Variants in RBFOX1 observed in about 807,000 individuals in gnomAD.
The protein encoded by RBFOX1 is RNA binding fox-1 homolog 1.
Under a neutral mutation model 57.7 loss-of-function variants are expected in RBFOX1, and 8 were observed. That is an observed-to-expected ratio of 0.14 (90% confidence interval 0.08 to 0.25). The LOEUF (loss-of-function observed/expected upper bound fraction) is 0.25, where lower values mean the gene tolerates loss of function less well. Ranked by LOEUF, RBFOX1 falls within the 10% of genes least tolerant of loss-of-function variation. RBFOX1 has a pLI of 1.00. For missense variants in RBFOX1, 611 were observed against 548.5 expected (o/e 1.11, Z -1.14); for synonymous variants, 326 against 222.4 (o/e 1.47, Z -4.15).
chr16:7,374,082 G>A lies in RBFOX1; in HGVS notation c.28-144065G>A, dbSNP rs186180022. 6.6e-5 allele frequency among the ~76,000 whole-genome samples: 10 copies of A among 152,262 alleles called. No individual in the cohort carries two copies. In the East Asian group the frequency reaches 1.5e-3, roughly 24 times the overall value. On this transcript the variant is annotated intron_variant, in intron 4 of 15. Transcript: ENST00000550418. Reference sequence around the variant, plus strand: ...AGAGGCAGATAGACCCAGATACAGCGTGAGCTTTTCTGCAGCTCTGATGGT... The same window carrying A: ...AGAGGCAGATAGACCCAGATACAGCATGAGCTTTTCTGCAGCTCTGATGGT...
Position 6,807,192 on chromosome 16 carries a change from A to C in RBFOX1, c.-16+152542A>C, listed in dbSNP as rs565212721. 2.0e-5 allele frequency among the ~76,000 whole-genome samples: 3 copies of C among 152,112 alleles called. No homozygotes were observed. The South Asian group carries it at 6.2e-4, about 32-fold the overall frequency. ...ATGTGAGAAACAGATTGGAGATTGGACAGGGAGACCAGTTAGGAGTCTGTT... is the reference window on the plus strand; with the variant it reads ...ATGTGAGAAACAGATTGGAGATTGGCCAGGGAGACCAGTTAGGAGTCTGTT... On this transcript the variant is annotated intron_variant, in intron 3 of 15. Coordinates refer to ENST00000550418, the MANE Select transcript of RBFOX1 (RefSeq NM_018723.4).
chr16:5,504,940 G>T (rs924209479), intron 2 of RBFOX1, among the ~76,000 whole-genome samples: 1 of 152,214 alleles, frequency 6.6e-6, no homozygotes, highest in African/African-American at 2.4e-5. Context: ...CAGTGAATCA[G>T]TGGTTGTCCT....
chr16:5,911,732 A>G (rs2058606832), intron 4 of RBFOX1, among the ~76,000 whole-genome samples: 1 of 152,168 alleles, frequency 6.6e-6, no homozygotes, highest in Admixed American at 6.5e-5. Flanking sequence ...GTGTCTGGTG[A>G]GAGTCCACAT....
chr16:5,970,963 T>C (rs1306500601), intron 4 of RBFOX1, among the ~76,000 whole-genome samples: 1 of 152,214 alleles, frequency 6.6e-6, no homozygotes, highest in Non-Finnish European at 1.5e-5. Context: ...TACCCAGATG[T>C]TTTTCCTCAA....
intron 4 of RBFOX1, among the ~76,000 whole-genome samples, chr16:5,958,471 A>G (rs1282920420): frequency 6.6e-6 from 1 of 152,074 alleles, no homozygotes; most frequent in Non-Finnish European, 1.5e-5. Flanking sequence ...GGGTCTGCCA[A>G]TTATTAGGTA....
At chr16:6,629,611 C>CT (rs1416076154) in intron 2 of RBFOX1, among the ~76,000 whole-genome samples, 1 of 152,006 alleles carries the variant, frequency 6.6e-6, no homozygotes, top group Non-Finnish European at 1.5e-5. Flanking sequence ...CTGCAAGATT[C>CT]TTAGAGTATT....
chr16:7,154,369 G>A (rs1055909362), intron 4 of RBFOX1, among the ~76,000 whole-genome samples: 4 of 152,194 alleles, frequency 2.6e-5, no homozygotes, highest in African/African-American at 9.6e-5. Flanking sequence ...AACTACCACT[G>A]AAGAGTGTGA....
intron 4 of RBFOX1, among the ~76,000 whole-genome samples, chr16:7,066,514 C>G (rs943610858): frequency 2.0e-5 from 3 of 152,132 alleles, no homozygotes; most frequent in South Asian, 2.1e-4. Context: ...ATTTAAATAG[C>G]TACCAAATGA....
chr16:6,297,676 CT>C (rs1231531626), intron 1 of RBFOX1, among the ~76,000 whole-genome samples: 2 of 152,096 alleles, frequency 1.3e-5, no homozygotes, highest in East Asian at 3.9e-4. Flanking sequence ...CCACACCCCC[CT>C]ATCCTATACC....
chr16:7,693,369 T>C, intron 14 of RBFOX1: 1 of 1,601,400 alleles, frequency 6.2e-7, no homozygotes, highest in Non-Finnish European at 8.5e-7. Context: ...CCTCTGCAGG[T>C]AACAAACGTT....
chr16:6,314,631 A>G (rs4786094), intron 1 of RBFOX1, among the ~76,000 whole-genome samples: 48,147 of 151,530 alleles, frequency 0.32, 8,121 homozygotes, highest in Middle Eastern at 0.41. Flanking sequence ...ATGTAAGGAT[A>G]TGTTCGGAGA....
intron 2 of RBFOX1, among the ~76,000 whole-genome samples, chr16:6,648,568 C>T (rs1450997016): frequency 2.0e-5 from 3 of 152,172 alleles, no homozygotes; most frequent in Non-Finnish European, 2.9e-5. Context: ...GTCCTCCCAC[C>T]CTTCAGCCTT....
chr16:6,308,972 A>G (rs528439481), intron 1 of RBFOX1, among the ~76,000 whole-genome samples: 1 of 152,184 alleles, frequency 6.6e-6, no homozygotes, highest in East Asian at 1.9e-4. Flanking sequence ...TGCTTCTACA[A>G]GAATACCTTG....
chr16:6,873,693 A>T (rs7198411), intron 3 of RBFOX1, among the ~76,000 whole-genome samples: 10,082 of 152,230 alleles, frequency 0.066, 409 homozygotes, highest in South Asian at 0.12. Flanking sequence ...TTATGGCATC[A>T]TGATTGTCAC....
chr16:7,378,108 A>C (rs1197951182), intron 4 of RBFOX1, among the ~76,000 whole-genome samples: 1 of 152,220 alleles, frequency 6.6e-6, no homozygotes. Flanking sequence ...AGAATAATTG[A>C]GAAGTAGATC....
intron 1 of RBFOX1, among the ~76,000 whole-genome samples, chr16:6,064,535 C>G (rs1025280352): frequency 1.3e-5 from 2 of 151,940 alleles, no homozygotes; most frequent in African/African-American, 4.8e-5. Context: ...ATACAATTTT[C>G]TTTTTTTTAT....
chr16:5,441,317 C>CTAATAAAGACATACCTGAGACTGGT (rs2068076729), intron 1 of RBFOX1, among the ~76,000 whole-genome samples: 1 of 150,526 alleles, frequency 6.6e-6, no homozygotes, highest in African/African-American at 2.4e-5. Flanking sequence ...TCTCATGCTG[C>CTAATAAAGACATACCTGAGACTGGT]TAATAAAGAC....
At chr16:6,984,171 C>G (rs912734613) in intron 3 of RBFOX1, among the ~76,000 whole-genome samples, 7 of 152,142 alleles carry the variant, frequency 4.6e-5, no homozygotes, top group African/African-American at 1.2e-4. Flanking sequence ...TGCTTGAACC[C>G]TGGAGGCAGA....
At chr16:5,573,016 G>C (rs1217258892) in intron 2 of RBFOX1, among the ~76,000 whole-genome samples, 2 of 152,156 alleles carry the variant, frequency 1.3e-5, no homozygotes, top group Admixed American at 1.3e-4. Context: ...CCCAGCCACT[G>C]CATGTACAGA....
Sources: allele counts gnomAD v4.1 joint callset (sites outside exome capture counted in the v4.1 genomes callset), GRCh38; gene constraint gnomAD v4.1.1; transcripts MANE v1.5; gene names NCBI Gene and HGNC (gene_info 2026-07-23, HGNC 2026-07-21).